COLEC12: variants seen among roughly 807,000 people sequenced by gnomAD.
The protein encoded by COLEC12 is collectin subfamily member 12.
In COLEC12, 33 loss-of-function variants were observed where a neutral mutation model predicts 71.1. The observed-to-expected ratio is 0.46, with a 90% CI of 0.35 to 0.62. COLEC12 has a LOEUF of 0.62. Among genes scored for constraint, COLEC12 ranks in the 20% least tolerant of loss-of-function variants. The pLI is 0.00. For synonymous variants in COLEC12, 350 were observed against 353.0 expected (o/e 0.99, Z 0.10); for missense variants, 765 against 916.1 (o/e 0.84, Z 2.13).
intron 5 of COLEC12, among the ~76,000 whole-genome samples, chr18:343,280 C>T (rs1487648228): frequency 2.0e-5 from 3 of 152,256 alleles, no homozygotes; most frequent in African/African-American, 7.2e-5. Context: ...ACTCACAGCA[C>T]CTTGAGGCCG....
intron 2 of COLEC12, among the ~76,000 whole-genome samples, chr18:373,271 C>G (rs1028584849): frequency 2.6e-5 from 4 of 152,156 alleles, no homozygotes; most frequent in African/African-American, 9.7e-5. Flanking sequence ...GACAGTCATA[C>G]GGTTATCCTT....
chr18:491,892 T>C (rs945596865), intron 1 of COLEC12, among the ~76,000 whole-genome samples: 3 of 152,232 alleles, frequency 2.0e-5, no homozygotes, highest in Admixed American at 2.0e-4. Flanking sequence ...GCTTTACAAA[T>C]GTAAACCTGG....
chr18:456,132 G>T (rs1598370182), intron 2 of COLEC12, among the ~76,000 whole-genome samples: 1 of 152,128 alleles, frequency 6.6e-6, no homozygotes, highest in African/African-American at 2.4e-5. Flanking sequence ...CTACTTTTCT[G>T]AATTGATCTT....
At chr18:456,551 A>G (rs1423201057) in intron 2 of COLEC12, among the ~76,000 whole-genome samples, 6 of 152,172 alleles carry the variant, frequency 3.9e-5, no homozygotes, top group African/African-American at 1.2e-4. Context: ...CGATCTGTTC[A>G]CCACACTTCA....
At chr18:423,055 G>A (rs150299611) in intron 2 of COLEC12, among the ~76,000 whole-genome samples, 341 of 152,280 alleles carry the variant, frequency 2.2e-3, no homozygotes, top group African/African-American at 7.9e-3. Context: ...AGGATCGTTT[G>A]AGGTCAAGAG....
At chr18:457,457 T>C (rs976265588) in intron 2 of COLEC12, among the ~76,000 whole-genome samples, 2 of 152,214 alleles carry the variant, frequency 1.3e-5, no homozygotes, top group Non-Finnish European at 2.9e-5. Context: ...CCATGTCACA[T>C]GCTGGAGCTG....
chr18:358,930 C>T (rs1914684919), intron 2 of COLEC12, among the ~76,000 whole-genome samples: 1 of 152,158 alleles, frequency 6.6e-6, no homozygotes, highest in Admixed American at 6.5e-5. Flanking sequence ...CTATGCAGTC[C>T]ATTGTTGACT....
intron 2 of COLEC12, among the ~76,000 whole-genome samples, chr18:390,074 T>C (rs562421207): frequency 2.0e-5 from 3 of 152,326 alleles, no homozygotes; most frequent in South Asian, 2.1e-4. Context: ...ACACAAAGCA[T>C]TGAGCAAACA....
chr18:424,982 A>T (rs1454667142), intron 2 of COLEC12, among the ~76,000 whole-genome samples: 1 of 152,114 alleles, frequency 6.6e-6, no homozygotes, highest in Non-Finnish European at 1.5e-5. Flanking sequence ...CCTTACTCAC[A>T]ATAAGCAAGG....
chr18:429,423 C>T (rs1183908295), intron 2 of COLEC12, among the ~76,000 whole-genome samples: 1 of 151,218 alleles, frequency 6.6e-6, no homozygotes, highest in Non-Finnish European at 1.5e-5. Context: ...ACTTTGTTGC[C>T]CAGGCTGGAG....
At chr18:403,178 A>T (rs1290709486) in intron 2 of COLEC12, among the ~76,000 whole-genome samples, 1 of 152,206 alleles carries the variant, frequency 6.6e-6, no homozygotes, top group East Asian at 1.9e-4. Flanking sequence ...AACTGGCAAC[A>T]TATTTCAGGA....
chr18:338,109 T>C (rs1914159618), intron 5 of COLEC12, among the ~76,000 whole-genome samples: 3 of 152,166 alleles, frequency 2.0e-5, no homozygotes, highest in Non-Finnish European at 4.4e-5. Flanking sequence ...CTGTGTTTAT[T>C]CCATCCTCCT....
At chr18:332,594 G>T (rs983701177) in intron 7 of COLEC12, among the ~76,000 whole-genome samples, 2 of 152,262 alleles carry the variant, frequency 1.3e-5, no homozygotes, top group South Asian at 2.1e-4. Context: ...ATTAGCATGC[G>T]TGGGCTCTGC....
At chr18:448,190 T>C (rs528592562) in intron 2 of COLEC12, among the ~76,000 whole-genome samples, 23 of 152,368 alleles carry the variant, frequency 1.5e-4, no homozygotes, top group African/African-American at 5.5e-4. Context: ...TAATCTTCTT[T>C]TTTAACCACT....
chr18:396,604 A>G (rs1470602365), intron 2 of COLEC12, among the ~76,000 whole-genome samples: 1 of 152,240 alleles, frequency 6.6e-6, no homozygotes, highest in Admixed American at 6.5e-5. Flanking sequence ...AATTTACCAC[A>G]AGGCCCTGGC....
intron 2 of COLEC12, among the ~76,000 whole-genome samples, chr18:428,654 C>T (rs538718581): frequency 3.3e-5 from 5 of 152,284 alleles, no homozygotes; most frequent in East Asian, 3.9e-4. Flanking sequence ...AAAGAAGCTG[C>T]ATTGCATGTA....
chr18:447,898 C>CG (rs934250754), intron 2 of COLEC12, among the ~76,000 whole-genome samples: 14 of 152,206 alleles, frequency 9.2e-5, no homozygotes, highest in Admixed American at 2.0e-4. Context: ...TCTTTGGTAG[C>CG]GGTCAATCAC....
chr18:341,666 A>G (rs1010438906), intron 5 of COLEC12, among the ~76,000 whole-genome samples: 8 of 152,302 alleles, frequency 5.3e-5, no homozygotes, highest in African/African-American at 1.9e-4. Flanking sequence ...AAGTGACCTT[A>G]TTTACATTTG....
At chr18:349,682 C>T (rs1023846378) in intron 3 of COLEC12, among the ~76,000 whole-genome samples, 2 of 152,222 alleles carry the variant, frequency 1.3e-5, no homozygotes, top group Non-Finnish European at 1.5e-5. Context: ...CTGTACCCTG[C>T]AAAGCCACAG....
Sources: gnomAD v4.1 joint callset for allele counts (sites outside exome capture counted in the v4.1 genomes callset) on GRCh38, gnomAD v4.1.1 for gene constraint, MANE v1.5 for transcripts, NCBI Gene and HGNC (gene_info 2026-07-23, HGNC 2026-07-21) for gene names.